The following TBC1D1 variants were observed in gnomAD, a reference collection of about 807,000 sequenced individuals.
TBC1D1 encodes TBC1 (tre-2/USP6, BUB2, cdc16) domain family, member 1.
Under a neutral mutation model 125.6 loss-of-function variants are expected in TBC1D1, and 89 were observed. The ratio of observed to expected loss-of-function variants is 0.71; its 90% confidence interval spans 0.60 to 0.85. The LOEUF is 0.85. Ranked by LOEUF, TBC1D1 falls within the 40% of genes least tolerant of loss-of-function variation. The pLI is 0.00. For synonymous variants in TBC1D1, 565 were observed against 564.1 expected (o/e 1.00, Z -0.02); for missense variants, 1,377 against 1,469.2 (o/e 0.94, Z 1.03).
At chr4:38,103,947 C>T (rs370129353) in intron 15 of TBC1D1, among the ~76,000 whole-genome samples, 121 of 151,836 alleles carry the variant, frequency 8.0e-4, no homozygotes, top group Admixed American at 1.5e-3. Flanking sequence ...ATCATGAAGT[C>T]AGGAGATCGA....
chr4:37,921,796 C>T (rs978566746), intron 2 of TBC1D1, among the ~76,000 whole-genome samples: 10 of 151,974 alleles, frequency 6.6e-5, no homozygotes, highest in African/African-American at 2.2e-4. Context: ...TAGCTCACTA[C>T]AGCCTTGAAC....
At position 38,063,732 on chromosome 4, in the gene TBC1D1, G is replaced by T. The variant is rs1753181849; in HGVS notation, c.2050+9394G>T. On this transcript the variant is annotated intron_variant, in intron 12 of 19. Coordinates refer to ENST00000261439, the MANE Select transcript of TBC1D1 (RefSeq NM_015173.4). ...CAACCTCTGCCTCCTGGGTTCAAGT[G>T]ATTCTCATGCCTCAGCGACCTGAGT... is the stretch of plus-strand genomic sequence containing the variant. Among the ~76,000 whole-genome samples the T allele has an allele frequency of 2.0e-5, 3 of 151,856 alleles. No homozygotes were observed. In the South Asian group the frequency reaches 6.2e-4, roughly 32 times the overall value.
chr4:38,002,717 G>C (rs1445505699), intron 2 of TBC1D1, among the ~76,000 whole-genome samples: 1 of 152,140 alleles, frequency 6.6e-6, no homozygotes, highest in Admixed American at 6.5e-5. Context: ...GTGCTCTGAG[G>C]CTTAGAGGGC....
At chr4:37,906,655 A>G (rs1286419470) in intron 2 of TBC1D1, among the ~76,000 whole-genome samples, 1 of 152,218 alleles carries the variant, frequency 6.6e-6, no homozygotes, top group Non-Finnish European at 1.5e-5. Context: ...TATCCTTCTT[A>G]GAGCCTCATC....
chr4:38,135,841 AAAAT>A (rs1289835159), intron 19 of TBC1D1, among the ~76,000 whole-genome samples: 1 of 135,074 alleles, frequency 7.4e-6, no homozygotes, highest in Non-Finnish European at 1.6e-5. Context: ...TGAAAAATGA[AAAAT>A]ATATATATAT....
Position 38,137,958 on chromosome 4 carries a change from G to T in TBC1D1, c.*623G>T, listed in dbSNP as rs1419990348. 1.3e-5 allele frequency: 2 copies of T among 152,580 alleles called. No individual in the cohort carries two copies. The highest frequency in any genetic ancestry group is 4.8e-5 in the African/African-American group (2 of 41,434). 9.5% of individuals were successfully genotyped at this position (152,580 alleles called of 1,614,324 possible). Reference sequence around the variant, plus strand: ...GTTCCACTAGATGTAACTTAAAGGAGTTAACATTTGAGGACTTTGTTCTAC... The same window carrying T: ...GTTCCACTAGATGTAACTTAAAGGATTTAACATTTGAGGACTTTGTTCTAC... On this transcript the variant is annotated 3_prime_UTR_variant, in exon 20 of 20. Transcript: ENST00000261439.
Position 38,115,756 on chromosome 4 carries a change from A to G in TBC1D1, c.2604A>G (p.Ala868=). 1 of 1,614,204 alleles carries G rather than the reference A, an allele frequency of 6.2e-7. No homozygotes were observed. Among genetic ancestry groups the G allele is most frequent in the Non-Finnish European group, 8.5e-7 (1 of 1,180,034 alleles). The change falls in exon 16 of 20, where the codon GCA becomes GCG. Residue 868 remains alanine, a synonymous_variant. Transcript: ENST00000261439. ...CATACTTCTCTGCCCAGCTTGGAGC[A>G]GGACAGCTATCGCTTTACAACATTT...
intron 10 of TBC1D1, among the ~76,000 whole-genome samples, chr4:38,046,640 C>T (rs1749541435): frequency 6.6e-6 from 1 of 152,136 alleles, no homozygotes; most frequent in South Asian, 2.1e-4. Context: ...CCCTTTCATT[C>T]TCCCCCACTT....
Position 38,137,437 on chromosome 4 carries a change from T to C in TBC1D1, c.*102T>C. On this transcript the variant is annotated 3_prime_UTR_variant, in exon 20 of 20. Transcript: ENST00000261439. ...GAGAGAAGGAAGCGGGAAGTGTGCT[T>C]CTCAGGGAGGAAACCGGCTTGCCAG... The C allele has an allele frequency of 1.5e-6, 2 of 1,324,418 alleles. No homozygotes were observed. The highest frequency in any genetic ancestry group is 1.9e-6 in the Non-Finnish European group (2 of 1,033,780). The allele number at this position is 1,324,418 out of a possible 1,614,324, so 82.0% of individuals were successfully genotyped here. A position where few individuals can be genotyped will look rare whatever the true frequency, so the allele number is the denominator to read the frequency against.
chr4:38,043,216 C>T (rs529355373), intron 8 of TBC1D1, among the ~76,000 whole-genome samples: 1 of 149,924 alleles, frequency 6.7e-6, no homozygotes, highest in East Asian at 2.0e-4. Context: ...TTTTTTCTAA[C>T]GAAATTATTT....
At chr4:37,930,439 A>G (rs11096915) in intron 2 of TBC1D1, among the ~76,000 whole-genome samples, 100,371 of 151,850 alleles carry the variant, frequency 0.66, 33,415 homozygotes, top group East Asian at 0.87. Context: ...CTCCCACCTT[A>G]GCCTCCCAAA....
intron 12 of TBC1D1, among the ~76,000 whole-genome samples, chr4:38,076,422 C>T (rs1003237276): frequency 1.9e-4 from 29 of 152,160 alleles, no homozygotes; most frequent in African/African-American, 7.0e-4. Flanking sequence ...CCCAAGTGCG[C>T]ATGTCTGGCC....
At chr4:38,080,258 G>T (rs932517144) in intron 12 of TBC1D1, among the ~76,000 whole-genome samples, 4 of 151,964 alleles carry the variant, frequency 2.6e-5, no homozygotes, top group African/African-American at 9.7e-5. Flanking sequence ...ATCACAGAGT[G>T]AACAATGTAA....
chr4:38,006,803 CT>C, intron 2 of TBC1D1: 1 of 512,318 alleles, frequency 2.0e-6, no homozygotes, highest in Non-Finnish European at 3.9e-6. Context: ...TTATGCTGCT[CT>C]TTTCCCCTCT....
rs11946442 is a variant in TBC1D1 at position 38,049,575 on chromosome 4, T to G, written c.1630-43T>G. The G allele has an allele frequency of 0.013, 19,328 of 1,544,562 alleles. 2,065 individuals are homozygous for G. In the African/African-American group the frequency reaches 0.24, roughly 19 times the overall value. ...GAACTAGAGATTTATAAATCCCACA[T>G]ATTCCCCATGGTGTGTCTGATCTGC... On this transcript the variant is annotated intron_variant, in intron 10 of 19. Transcript: ENST00000261439.
chr4:38,013,270 T>C (rs1218440785), intron 2 of TBC1D1, among the ~76,000 whole-genome samples: 1 of 152,152 alleles, frequency 6.6e-6, no homozygotes, highest in Non-Finnish European at 1.5e-5. Flanking sequence ...AAGAGAAAAA[T>C]CTTTCGAGTC....
Position 37,962,886 on chromosome 4 carries a change from C to T in TBC1D1, c.418-51623C>T, listed in dbSNP as rs6832284. On this transcript the variant is annotated intron_variant, in intron 2 of 19. Coordinates refer to ENST00000261439, the MANE Select transcript of TBC1D1 (RefSeq NM_015173.4). ...ACCCTAAGTCCAATGATCAGCTGGC[C>T]TTTGATTTAAAGTGTGTCTGTGGTC... 4.3e-3 allele frequency among the ~76,000 whole-genome samples: 662 copies of T among 152,210 alleles called. 5 individuals carry two copies. The highest frequency in any genetic ancestry group is 0.015 in the African/African-American group (635 of 41,532).
At chr4:37,921,798 G>A (rs901739358) in intron 2 of TBC1D1, among the ~76,000 whole-genome samples, 1 of 151,900 alleles carries the variant, frequency 6.6e-6, no homozygotes. Context: ...GCTCACTACA[G>A]CCTTGAACTT....
intron 1 of TBC1D1, among the ~76,000 whole-genome samples, chr4:37,893,681 C>T (rs973609865): frequency 6.6e-5 from 10 of 152,104 alleles, no homozygotes; most frequent in Non-Finnish European, 1.3e-4. Context: ...CAAAAACTAG[C>T]CAGGCATGGT....
Sources: allele counts gnomAD v4.1 joint callset (sites outside exome capture counted in the v4.1 genomes callset), GRCh38; gene constraint gnomAD v4.1.1; transcripts MANE v1.5; gene names NCBI Gene and HGNC (gene_info 2026-07-23, HGNC 2026-07-21).